Variants in LPAR1 observed in about 807,000 individuals in gnomAD.
The protein encoded by LPAR1 is LPA receptor 1.
A neutral mutation model predicts 23.8 loss-of-function variants in LPAR1; 5 were observed. The ratio of observed to expected loss-of-function variants is 0.21; its 90% CI spans 0.11 to 0.44. LPAR1 has a LOEUF of 0.44. Ranked by LOEUF, LPAR1 falls within the 20% of genes least tolerant of loss-of-function variation. The probability of loss-of-function intolerance (pLI) is 0.99; values close to 1 mark genes in which losing one functional copy is unlikely to be tolerated. For missense variants in LPAR1, 311 were observed against 482.8 expected (o/e 0.64, Z 3.33); for synonymous variants, 160 against 164.7 (o/e 0.97, Z 0.22).
intron 5 of LPAR1, among the ~76,000 whole-genome samples, chr9:110,921,617 C>T (rs906915206): frequency 1.3e-5 from 2 of 152,106 alleles, no homozygotes; most frequent in Admixed American, 1.3e-4. Context: ...CAGGTTAATC[C>T]GGAGTCCACA....
chr9:110,946,467 A>C (rs1158141717), intron 4 of LPAR1, among the ~76,000 whole-genome samples: 1 of 152,188 alleles, frequency 6.6e-6, no homozygotes, highest in Non-Finnish European at 1.5e-5. Context: ...CAAGTCAAAT[A>C]TCTAAAGACA....
At position 110,972,160 on chromosome 9, in the gene LPAR1, CG is replaced by C. The variant is rs541016007; in HGVS notation, c.-44del. The stretch of plus-strand genomic sequence containing the variant: ...AGGTGGTGAACACGCCCCAGAACTA[CG>C]GGAGACAAATTTTCTTGTTTGCTGA... On this transcript the variant is annotated 5_prime_UTR_variant, in exon 4 of 6. Coordinates refer to ENST00000683809, the MANE Select transcript of LPAR1 (RefSeq NM_001351411.2). 1.5e-4 allele frequency: 234 copies of C among 1,588,972 alleles called. No homozygotes were observed. Among genetic ancestry groups the C allele is most frequent in the Non-Finnish European group, 2.0e-4 (228 of 1,157,488 alleles).
At chr9:110,876,726 G>A (rs1275392377) in intron 5 of LPAR1, among the ~76,000 whole-genome samples, 2 of 152,108 alleles carry the variant, frequency 1.3e-5, no homozygotes, top group Admixed American at 6.6e-5. Flanking sequence ...GATCAACTTT[G>A]TTCTCTTTCT....
At chr9:110,881,298 A>T (rs892003788) in intron 5 of LPAR1, among the ~76,000 whole-genome samples, 1 of 152,144 alleles carries the variant, frequency 6.6e-6, no homozygotes, top group Non-Finnish European at 1.5e-5. Flanking sequence ...TATTTTCATT[A>T]CTCACTCTTG....
intron 5 of LPAR1, among the ~76,000 whole-genome samples, chr9:110,903,060 G>C (rs78093569): frequency 0.023 from 3,451 of 152,196 alleles, 141 homozygotes; most frequent in African/African-American, 0.075. Flanking sequence ...TAAAACAAAA[G>C]ATTTAAATCA....
intron 5 of LPAR1, among the ~76,000 whole-genome samples, chr9:110,917,610 T>A (rs1212709489): frequency 6.6e-6 from 1 of 152,176 alleles, no homozygotes; most frequent in Non-Finnish European, 1.5e-5. Context: ...CCATAAAGAA[T>A]GTAGAGCTCT....
chr9:110,940,031 A>C (rs1183151832), intron 5 of LPAR1, among the ~76,000 whole-genome samples: 1 of 152,228 alleles, frequency 6.6e-6, no homozygotes, highest in Non-Finnish European at 1.5e-5. Context: ...AGGTCCTGTT[A>C]ATAAACATAC....
At chr9:110,886,420 G>A (rs200595730) in intron 5 of LPAR1, among the ~76,000 whole-genome samples, 846 of 116,508 alleles carry the variant, frequency 7.3e-3, no homozygotes, top group Admixed American at 7.6e-3. Flanking sequence ...ATAACCAAAG[G>A]AAAAAAAAAA....
At chr9:110,983,949 G>A (rs1309237656) in intron 2 of LPAR1, among the ~76,000 whole-genome samples, 2 of 151,904 alleles carry the variant, frequency 1.3e-5, no homozygotes, top group African/African-American at 4.8e-5. Context: ...ACAAAAACAA[G>A]CCACTTTTAA....
At chr9:110,973,882 C>T (rs559008531) in intron 2 of LPAR1, among the ~76,000 whole-genome samples, 4 of 152,090 alleles carry the variant, frequency 2.6e-5, no homozygotes, top group South Asian at 2.1e-4. Flanking sequence ...ATTCAAAAGA[C>T]GTTATTGGCT....
intron 2 of LPAR1, among the ~76,000 whole-genome samples, chr9:110,986,391 A>C (rs1353464133): frequency 6.6e-6 from 1 of 152,060 alleles, no homozygotes; most frequent in Non-Finnish European, 1.5e-5. Context: ...TCTAAGAGTA[A>C]GTGCATGTTT....
chr9:111,030,241 A>G (rs917348164), intron 2 of LPAR1, among the ~76,000 whole-genome samples: 6 of 152,150 alleles, frequency 3.9e-5, no homozygotes, highest in Non-Finnish European at 5.9e-5. Flanking sequence ...CCTAGTCAGA[A>G]AGTAAAGCAA....
intron 2 of LPAR1, among the ~76,000 whole-genome samples, chr9:110,988,106 T>G (rs2096826643): frequency 6.6e-6 from 1 of 151,840 alleles, no homozygotes; most frequent in Admixed American, 6.6e-5. Context: ...GTGGGGGAAC[T>G]ATCAATCTAG....
chr9:110,896,980 G>A (rs2086620018), intron 5 of LPAR1, among the ~76,000 whole-genome samples: 1 of 151,834 alleles, frequency 6.6e-6, no homozygotes, highest in African/African-American at 2.4e-5. Context: ...GTAGAGATGG[G>A]GTTTCACCGT....
chr9:110,969,466 C>T (rs183363123), intron 4 of LPAR1, among the ~76,000 whole-genome samples: 2,575 of 152,174 alleles, frequency 0.017, 37 homozygotes, highest in Admixed American at 0.027. Context: ...AATCCCAGAA[C>T]TTTGGGAGGC....
chr9:111,005,544 CTCAAAAAAA>C (rs2097200082), intron 2 of LPAR1, among the ~76,000 whole-genome samples: 1 of 49,064 alleles, frequency 2.0e-5, no homozygotes. Context: ...GAGACCCTGT[CTCAAAAAAA>C]AAAAAAAAAA....
chr9:110,898,245 GA>G (rs1202811701), intron 5 of LPAR1, among the ~76,000 whole-genome samples: 3 of 152,114 alleles, frequency 2.0e-5, no homozygotes, highest in Non-Finnish European at 4.4e-5. Flanking sequence ...TTTGCTTTTA[GA>G]AATTTAAAAA....
At chr9:110,893,628 A>G (rs1245111231) in intron 5 of LPAR1, among the ~76,000 whole-genome samples, 1 of 152,172 alleles carries the variant, frequency 6.6e-6, no homozygotes, top group East Asian at 1.9e-4. Context: ...TAATGTAAAC[A>G]TTGTTTTTGT....
intron 5 of LPAR1, among the ~76,000 whole-genome samples, chr9:110,920,370 T>C (rs184336234): frequency 6.6e-6 from 1 of 152,324 alleles, no homozygotes; most frequent in East Asian, 1.9e-4. Flanking sequence ...GATGCATAGT[T>C]CAAGTAAGGT....
Sources: allele counts gnomAD v4.1 joint callset (sites outside exome capture counted in the v4.1 genomes callset), GRCh38; gene constraint gnomAD v4.1.1; transcripts MANE v1.5; gene names NCBI Gene and HGNC (gene_info 2026-07-23, HGNC 2026-07-21).